GNAO1: variants seen among roughly 807,000 people sequenced by gnomAD.
GNAO1 encodes the protein G protein subunit alpha o1.
For synonymous variants in GNAO1, 164 were observed against 180.7 expected (o/e 0.91, Z 0.74); for missense variants, 166 against 478.7 (o/e 0.35, Z 6.10).
intron 2 of GNAO1, among the ~76,000 whole-genome samples, chr16:56,197,198 T>G (rs964562432): frequency 2.0e-5 from 3 of 152,230 alleles, no homozygotes; most frequent in Middle Eastern, 3.2e-3. Context: ...AAAGGACATT[T>G]CCCACACTGG....
At position 56,274,779 on chromosome 16, in the gene GNAO1, C is replaced by T. The variant is rs373750060; in HGVS notation, c.162-1152C>T. ...GGTAGGGGCAGGGCATGGACAGTAA[C>T]TGCTAATGGATACAAAGTTCCTTTT... On this transcript the variant is annotated intron_variant, in intron 2 of 8. Coordinates refer to ENST00000262493, the MANE Select transcript of GNAO1 (RefSeq NM_020988.3). Among the ~76,000 whole-genome samples the T allele has an allele frequency of 2.4e-4, 36 of 152,084 alleles. No homozygotes were observed. The South Asian group carries it at 5.6e-3, about 24-fold the overall frequency.
intron 2 of GNAO1, among the ~76,000 whole-genome samples, chr16:56,245,357 G>A (rs1312108457): frequency 6.6e-6 from 1 of 152,158 alleles, no homozygotes; most frequent in Non-Finnish European, 1.5e-5. Flanking sequence ...CAGCTTGGCT[G>A]GGGTAACGCT....
chr16:56,230,017 A>C (rs1404100157), intron 2 of GNAO1, among the ~76,000 whole-genome samples: 1 of 152,076 alleles, frequency 6.6e-6, no homozygotes, highest in Non-Finnish European at 1.5e-5. Context: ...TTAAAAATCC[A>C]TGTGAATTTC....
intron 2 of GNAO1, among the ~76,000 whole-genome samples, chr16:56,263,416 C>A (rs916722754): frequency 2.0e-5 from 3 of 152,114 alleles, no homozygotes; most frequent in Non-Finnish European, 4.4e-5. Flanking sequence ...TCATGGAGCT[C>A]ACGTCGATAT....
rs1567457189 is a variant in GNAO1, at chr16:56,256,698, C to CTG, written c.162-19232_162-19231insGT. On this transcript the variant is annotated intron_variant, in intron 2 of 8. Transcript: ENST00000262493. The stretch of plus-strand genomic sequence containing the variant: ...TCTCTTTCTCTCTGTCTCTCTCTCT[C>CTG]TCTCTCTCTCTCTCTCTCTCTGTGT... Among the ~76,000 whole-genome samples the CTG allele has an allele frequency of 1.5e-3, 190 of 126,704 alleles. 1 individual carries two copies. The highest frequency in any genetic ancestry group is 5.9e-3 in the African/African-American group (184 of 31,146). The allele number at this position is 126,704 out of a possible 152,430, so 83.1% of individuals were successfully genotyped here.
intron 6 of GNAO1, chr16:56,343,649 G>A (rs2037828769): frequency 1.3e-6 from 1 of 754,524 alleles, no homozygotes; most frequent in Non-Finnish European, 2.2e-6. Flanking sequence ...TCCCTGTGCA[G>A]TTGTCTCTGA....
intron 6 of GNAO1, among the ~76,000 whole-genome samples, chr16:56,339,336 C>T (rs1199384850): frequency 1.3e-5 from 2 of 152,234 alleles, no homozygotes; most frequent in African/African-American, 4.8e-5. Flanking sequence ...GAATGGACCA[C>T]CGGGCTAAAA....
At chr16:56,332,898 G>A (rs1415676614) in intron 4 of GNAO1, among the ~76,000 whole-genome samples, 2 of 152,254 alleles carry the variant, frequency 1.3e-5, no homozygotes, top group South Asian at 2.1e-4. Context: ...GCGCCAGGGC[G>A]GGGCAGGCAC....
rs2037230193 is a variant in GNAO1 at position 56,291,325 on chromosome 16, CATT to C, written c.303+15254_303+15256del. ...TATAGCCATCCTCGTGGCTATAACT[CATT>C]GTGGTTTTCATTTGCATTTCCCCAG... On this transcript the variant is annotated intron_variant, in intron 3 of 8. Coordinates refer to ENST00000262493, the MANE Select transcript of GNAO1 (RefSeq NM_020988.3). Among the ~76,000 whole-genome samples, 5 of 152,188 alleles carry C rather than the reference CATT, an allele frequency of 3.3e-5. No homozygotes were observed. In the South Asian group the frequency reaches 1.0e-3, roughly 32 times the overall value.
chr16:56,228,139 A>G (rs956437017), intron 2 of GNAO1, among the ~76,000 whole-genome samples: 10 of 152,180 alleles, frequency 6.6e-5, no homozygotes, highest in African/African-American at 2.4e-4. Context: ...GGCACTTTGC[A>G]GAGCCGAAAA....
At chr16:56,350,948 C>G (rs1479913075) in intron 6 of GNAO1, among the ~76,000 whole-genome samples, 1 of 151,700 alleles carries the variant, frequency 6.6e-6, no homozygotes, top group Non-Finnish European at 1.5e-5. Context: ...CATGGATGCA[C>G]ACAGGCATGC....
chr16:56,291,631 A>G (rs544550879), intron 3 of GNAO1, among the ~76,000 whole-genome samples: 1 of 151,572 alleles, frequency 6.6e-6, no homozygotes, highest in Non-Finnish European at 1.5e-5. Flanking sequence ...AGAGTTCCTC[A>G]CTCCCCCAGA....
intron 3 of GNAO1, among the ~76,000 whole-genome samples, chr16:56,319,203 AC>A (rs1326177738): frequency 6.6e-6 from 1 of 152,218 alleles, no homozygotes; most frequent in Non-Finnish European, 1.5e-5. Flanking sequence ...CCAGTTTCAC[AC>A]AAAGAATATA....
chr16:56,270,698 A>C (rs1264298818), intron 2 of GNAO1: 3 of 152,218 alleles, frequency 2.0e-5, no homozygotes, highest in Admixed American at 6.5e-5. Context: ...TATTGTTATC[A>C]GGGTACAAAA....
At chr16:56,260,844 C>T (rs976334848) in intron 2 of GNAO1, among the ~76,000 whole-genome samples, 3 of 152,146 alleles carry the variant, frequency 2.0e-5, no homozygotes, top group Admixed American at 6.5e-5. Flanking sequence ...TTCTGGGCCA[C>T]GTCTACCACC....
Position 56,339,062 on chromosome 16 carries a change from C to T in GNAO1, c.723+2202C>T, listed in dbSNP as rs1478373744. On this transcript the variant is annotated intron_variant, in intron 6 of 8. Transcript: ENST00000262493. ...TGCAGCCCGGGGAAGAGTAGCAGCT[C>T]GTGCAGGGAATGGGGATGACTTTGC... Among the ~76,000 whole-genome samples the T allele has an allele frequency of 7.2e-5, 11 of 152,234 alleles. No homozygotes were observed. In the East Asian group the frequency reaches 9.6e-4, roughly 13 times the overall value.
chr16:56,271,201 G>C (rs2037013956), intron 2 of GNAO1: 1 of 152,204 alleles, frequency 6.6e-6, no homozygotes, highest in Admixed American at 6.5e-5. Flanking sequence ...GAGAAGCCCT[G>C]CCTTTCAGCA....
intron 3 of GNAO1, among the ~76,000 whole-genome samples, chr16:56,299,796 A>C (rs2037323191): frequency 6.6e-6 from 1 of 152,170 alleles, no homozygotes. Flanking sequence ...GGAGGATGGA[A>C]ATAGTTCCAC....
At chr16:56,330,238 A>G (rs1176775665) in intron 4 of GNAO1, among the ~76,000 whole-genome samples, 1 of 152,210 alleles carries the variant, frequency 6.6e-6, no homozygotes, top group Non-Finnish European at 1.5e-5. Flanking sequence ...AGTGTCCACC[A>G]TTCCGTATGC....
Sources: gnomAD v4.1 joint callset for allele counts (sites outside exome capture counted in the v4.1 genomes callset) on GRCh38, gnomAD v4.1.1 for gene constraint, MANE v1.5 for transcripts, NCBI Gene and HGNC (gene_info 2026-07-23, HGNC 2026-07-21) for gene names.